MGST2: variants seen among roughly 807,000 people sequenced by gnomAD.
The protein encoded by MGST2 is glutathione peroxidase MGST2.
MGST2 carries 9 observed loss-of-function variants against 16.6 expected under a neutral mutation model. The observed-to-expected ratio is 0.54, with a 90% CI of 0.33 to 0.95. The LOEUF (loss-of-function observed/expected upper bound fraction) is 0.95, where lower values mean the gene tolerates loss of function less well. MGST2 is among the 40% of genes least tolerant of loss of function. MGST2 has a pLI of 0.03. For missense variants in MGST2, 159 were observed against 175.1 expected, an observed-to-expected ratio of 0.91 and a Z score of 0.52; for synonymous variants, 79 against 68.0, an observed-to-expected ratio of 1.16 and a Z score of -0.79.
At chr4:139,723,635 C>T (rs1390329254) in intron 5 of MGST2, among the ~76,000 whole-genome samples, 1 of 151,986 alleles carries the variant, frequency 6.6e-6, no homozygotes, top group African/African-American at 2.4e-5. Flanking sequence ...TTAACTGGAC[C>T]CAAAACATTC....
chr4:139,741,037 G>A (rs550502967), downstream of MGST2, among the ~76,000 whole-genome samples: 5 of 152,300 alleles, frequency 3.3e-5, no homozygotes, highest in African/African-American at 9.6e-5. Flanking sequence ...TTGACTATGT[G>A]ATGCTGAGGC....
At position 139,698,025 on chromosome 4, in the gene MGST2, A is replaced by G. The variant is rs58604054; in HGVS notation, c.229+2758A>G. On this transcript the variant is annotated intron_variant, in intron 3 of 4. Transcript: ENST00000265498. ...CCTATTTTTCCACTCGCAATCATAT[A>G]CTTAGGTACCTTTTGACCCCATGGA... is the stretch of plus-strand genomic sequence containing the variant. 96 of 606,492 alleles carry G rather than the reference A, an allele frequency of 1.6e-4. No individual in the cohort carries two copies. In the East Asian group the frequency reaches 2.1e-3, roughly 14 times the overall value. 37.6% of individuals were successfully genotyped at this position (606,492 alleles called of 1,614,324 possible).
At chr4:139,711,284 C>G (rs1355806737) in intron 5 of MGST2, among the ~76,000 whole-genome samples, 1 of 151,992 alleles carries the variant, frequency 6.6e-6, no homozygotes, top group Non-Finnish European at 1.5e-5. Flanking sequence ...CAATCCAGAC[C>G]CCAAGAGAAG....
At chr4:139,719,187 C>T (rs910561039) in intron 5 of MGST2, 5 of 996,168 alleles carry the variant, frequency 5.0e-6, no homozygotes, top group African/African-American at 3.3e-5. Flanking sequence ...CTGGATCTTC[C>T]ATTGTCAGCC....
intron 1 of MGST2, among the ~76,000 whole-genome samples, chr4:139,668,995 CA>C (rs1218401647): frequency 3.3e-5 from 5 of 152,066 alleles, no homozygotes; most frequent in African/African-American, 9.7e-5. Context: ...TTCACTTTGA[CA>C]AAGGCCTGTG....
chr4:139,721,133 A>G (rs922271153), intron 5 of MGST2, among the ~76,000 whole-genome samples: 2 of 152,212 alleles, frequency 1.3e-5, no homozygotes, highest in African/African-American at 4.8e-5. Context: ...ATTCCTTCAA[A>G]TCGGCAACGA....
At position 139,738,411 on chromosome 4, in the gene MGST2, C is replaced by T. The variant is rs907493386; in HGVS notation, c.*49-1801C>T. 2.6e-5 allele frequency among the ~76,000 whole-genome samples: 4 copies of T among 152,096 alleles called. No homozygotes were observed. In the East Asian group the frequency reaches 5.8e-4, roughly 22 times the overall value. ...TACAAAAATTAGCTGGGCTTGGTGGCGTGTGCCTGTAGTCCCAGTTACTCA... is the reference window on the plus strand; with the variant it reads ...TACAAAAATTAGCTGGGCTTGGTGGTGTGTGCCTGTAGTCCCAGTTACTCA... On this transcript the variant is annotated intron_variant, in intron 5 of 5. Coordinates refer to the MGST2 transcript ENST00000616265.
At position 139,666,169 on chromosome 4, in the gene MGST2, A is replaced by C. The variant is rs535268313; in HGVS notation, c.58+92A>C. 6.0e-6 allele frequency: 8 copies of C among 1,339,902 alleles called. No individual in the cohort carries two copies. The South Asian group carries it at 9.4e-5, about 16-fold the overall frequency. The allele number at this position is 1,339,902 out of a possible 1,614,324, so 83.0% of individuals were successfully genotyped here. On this transcript the variant is annotated intron_variant, in intron 1 of 4. Transcript: ENST00000265498. ...GCGGGAGAGAGAGGGAGGGAGGGAG[A>C]TGGGTCCGGTGTTTTGTTTCCTACT...
At chr4:139,686,955 G>A (rs1014645344) in intron 2 of MGST2, among the ~76,000 whole-genome samples, 1 of 152,116 alleles carries the variant, frequency 6.6e-6, no homozygotes, top group Non-Finnish European at 1.5e-5. Context: ...TATTCTCATA[G>A]TTTCCACAAA....
At chr4:139,747,681 A>G in the MGST2 span, among the ~76,000 whole-genome samples, 2 of 147,494 alleles carry the variant, frequency 1.4e-5, no homozygotes, top group Admixed American at 1.4e-4. Flanking sequence ...GCAAGAGAGC[A>G]AGACTCCCTC....
intron 5 of MGST2, among the ~76,000 whole-genome samples, chr4:139,710,974 A>G (rs1377027278): frequency 6.6e-6 from 1 of 151,826 alleles, no homozygotes; most frequent in Non-Finnish European, 1.5e-5. Context: ...AGGACAGAGA[A>G]GGGGAACAAG....
intron 1 of MGST2, among the ~76,000 whole-genome samples, chr4:139,669,143 A>G (rs1314855358): frequency 6.6e-6 from 1 of 152,100 alleles, no homozygotes. Context: ...TTTCCCCATC[A>G]TGGCCTGAAC....
intron 1 of MGST2, among the ~76,000 whole-genome samples, chr4:139,672,301 A>G (rs1213840587): frequency 1.3e-5 from 2 of 152,224 alleles, no homozygotes; most frequent in East Asian, 3.8e-4. Context: ...AGGTGGAAAC[A>G]AGAAGACTTG....
rs185470688 is a variant in MGST2, at chr4:139,690,304, A to T, written c.159-4893A>T. Among the ~76,000 whole-genome samples, 935 of 151,786 alleles carry T rather than the reference A, an allele frequency of 6.2e-3. 4 individuals carry two copies. Among genetic ancestry groups the T allele is most frequent in the Non-Finnish European group, 0.01 (685 of 67,882 alleles). On this transcript the variant is annotated intron_variant, in intron 2 of 4. Transcript: ENST00000265498. ...ACCGCTCCTGGCCTTAAATTTTTTT[A>T]AAAAAATTTTATTTTTTTATAGAGA...
At chr4:139,691,716 T>A (rs899389549) in intron 2 of MGST2, among the ~76,000 whole-genome samples, 1 of 149,230 alleles carries the variant, frequency 6.7e-6, no homozygotes, top group Non-Finnish European at 1.5e-5. Flanking sequence ...TATTATTATT[T>A]GAGACGGAAT....
At chr4:139,687,283 T>A (rs1731614739) in intron 2 of MGST2, among the ~76,000 whole-genome samples, 1 of 152,256 alleles carries the variant, frequency 6.6e-6, no homozygotes, top group Admixed American at 6.5e-5. Context: ...CTCCACTCCA[T>A]ACTTTGAATT....
chr4:139,749,756 C>A, the MGST2 span, among the ~76,000 whole-genome samples: 3 of 152,132 alleles, frequency 2.0e-5, no homozygotes, highest in Non-Finnish European at 4.4e-5. Flanking sequence ...CAAACAGGAG[C>A]TCTCACTACA....
chr4:139,701,348 CT>C (rs1202826747), intron 3 of MGST2, among the ~76,000 whole-genome samples: 7 of 152,122 alleles, frequency 4.6e-5, no homozygotes, highest in Admixed American at 2.6e-4. Context: ...GTTCAGAACT[CT>C]TTGGCTTCCT....
chr4:139,680,012 A>G (rs1395893025), intron 2 of MGST2, among the ~76,000 whole-genome samples: 1 of 152,180 alleles, frequency 6.6e-6, no homozygotes, highest in African/African-American at 2.4e-5. Flanking sequence ...CTCTATCCCT[A>G]GAGATAACCC....
Sources: gnomAD v4.1 joint callset for allele counts (sites outside exome capture counted in the v4.1 genomes callset) on GRCh38, gnomAD v4.1.1 for gene constraint, MANE v1.5 for transcripts, NCBI Gene and HGNC (gene_info 2026-07-23, HGNC 2026-07-21) for gene names.